The following OSBPL10 variants were observed in gnomAD, a reference collection of about 807,000 sequenced individuals.
The protein encoded by OSBPL10 is oxysterol binding protein like 10, also known as oxysterol-binding protein-related protein 10.
OSBPL10 carries 49 observed loss-of-function variants against 81.7 expected under a neutral mutation model. The observed-to-expected ratio is 0.60, with a 90% confidence interval of 0.48 to 0.76. The LOEUF (loss-of-function observed/expected upper bound fraction) is 0.76, where lower values mean the gene tolerates loss of function less well. OSBPL10 is among the 30% of genes least tolerant of loss of function. The pLI, the probability that OSBPL10 is intolerant of heterozygous loss-of-function variation, is 0.00. For missense variants in OSBPL10, 923 were observed against 987.8 expected (o/e 0.93, Z 0.88); for synonymous variants, 419 against 383.6 (o/e 1.09, Z -1.08).
intron 7 of OSBPL10, among the ~76,000 whole-genome samples, chr3:31,691,469 C>T (rs1440821425): frequency 2.6e-5 from 4 of 152,130 alleles, no homozygotes; most frequent in African/African-American, 4.8e-5. Flanking sequence ...CCCATGATCC[C>T]AGCATTTTGA....
intron 1 of OSBPL10, among the ~76,000 whole-genome samples, chr3:31,929,202 G>C (rs1697165916): frequency 6.6e-6 from 1 of 152,186 alleles, no homozygotes; most frequent in Non-Finnish European, 1.5e-5. Flanking sequence ...AGAGATGGAT[G>C]CTTTTCCAAC....
intron 6 of OSBPL10, among the ~76,000 whole-genome samples, chr3:31,732,309 T>A (rs1319168335): frequency 6.6e-6 from 1 of 151,880 alleles, no homozygotes; most frequent in Non-Finnish European, 1.5e-5. Context: ...TGCTACTACA[T>A]CACTGTCCGA....
intron 3 of OSBPL10, among the ~76,000 whole-genome samples, chr3:31,850,384 AAAC>A (rs1260291303): frequency 6.6e-6 from 1 of 152,088 alleles, no homozygotes; most frequent in African/African-American, 2.4e-5. Context: ...TGAAAAATAC[AAAC>A]AAAAAACAAA....
At chr3:31,766,095 C>T (rs1050846511) in intron 4 of OSBPL10, among the ~76,000 whole-genome samples, 8 of 152,088 alleles carry the variant, frequency 5.3e-5, no homozygotes, top group African/African-American at 1.2e-4. Context: ...CCAGCAGAGC[C>T]GCTGGAGCCA....
At chr3:31,815,239 C>T (rs915965855) in intron 4 of OSBPL10, among the ~76,000 whole-genome samples, 3 of 151,030 alleles carry the variant, frequency 2.0e-5, no homozygotes, top group African/African-American at 7.3e-5. Flanking sequence ...TCCCGCCCCC[C>T]AATAATTCCA....
chr3:31,919,168 C>T lies in OSBPL10; in HGVS notation c.282-39338G>A, dbSNP rs115986578. ...CTGTGTCCTCCTGCCCTCAGGTAGA[C>T]TCAACCACTCCTTTCTTTGCCTCTT... On this transcript the variant is annotated intron_variant, in intron 1 of 11. Coordinates refer to ENST00000396556, the MANE Select transcript of OSBPL10 (RefSeq NM_017784.5). Among the ~76,000 whole-genome samples, 785 of 152,316 alleles carry T rather than the reference C, an allele frequency of 5.2e-3. 8 individuals are homozygous for T. Among genetic ancestry groups the T allele is most frequent in the African/African-American group, 0.018 (753 of 41,576 alleles).
intron 1 of OSBPL10, among the ~76,000 whole-genome samples, chr3:31,974,396 T>G (rs1698641065): frequency 6.6e-6 from 1 of 152,148 alleles, no homozygotes; most frequent in Non-Finnish European, 1.5e-5. Flanking sequence ...TAGGTGTATA[T>G]CCACAGAAAT....
chr3:31,930,027 C>G (rs1362491663), intron 1 of OSBPL10, among the ~76,000 whole-genome samples: 1 of 74,126 alleles, frequency 1.3e-5, no homozygotes, highest in Admixed American at 1.2e-4. Flanking sequence ...AAAAAAAAAA[C>G]AGGTGTGGTG....
At chr3:31,997,472 C>T (rs1699101204) in intron 2 of OSBPL10, among the ~76,000 whole-genome samples, 1 of 151,798 alleles carries the variant, frequency 6.6e-6, no homozygotes. Flanking sequence ...ACCATGTTGG[C>T]CAGGATGGTC....
At chr3:31,800,250 G>T (rs1699346097) in intron 4 of OSBPL10, among the ~76,000 whole-genome samples, 1 of 152,168 alleles carries the variant, frequency 6.6e-6, no homozygotes. Context: ...TCCATATTGA[G>T]ATCTCAATAT....
chr3:32,027,952 C>G (rs1699432014), intron 2 of OSBPL10, among the ~76,000 whole-genome samples: 1 of 152,232 alleles, frequency 6.6e-6, no homozygotes, highest in African/African-American at 2.4e-5. Flanking sequence ...GAACAACTGT[C>G]TCCAATACAT....
At chr3:31,663,463 C>A in intron 11 of OSBPL10, 2 of 989,230 alleles carry the variant, frequency 2.0e-6, no homozygotes, top group Non-Finnish European at 2.4e-6. Context: ...CCCTCCACAA[C>A]TTCAAGAGCA....
chr3:31,793,161 C>A (rs1453346572), intron 4 of OSBPL10, among the ~76,000 whole-genome samples: 1 of 152,170 alleles, frequency 6.6e-6, no homozygotes, highest in African/African-American at 2.4e-5. Context: ...TTTTCTAATT[C>A]TTTCTGTCTC....
intron 1 of OSBPL10, among the ~76,000 whole-genome samples, chr3:32,076,075 G>C (rs1699872900): frequency 6.6e-6 from 1 of 152,074 alleles, no homozygotes; most frequent in South Asian, 2.1e-4. Context: ...AAACCTGTAA[G>C]AACTAATGAT....
intron 4 of OSBPL10, among the ~76,000 whole-genome samples, chr3:31,766,340 T>TG (rs1305821684): frequency 2.0e-4 from 22 of 112,624 alleles, no homozygotes; most frequent in African/African-American, 9.6e-4. Flanking sequence ...TTTTTTTGTT[T>TG]TTTTTTGTTT....
At chr3:32,035,907 A>C (rs1410875865) in intron 2 of OSBPL10, among the ~76,000 whole-genome samples, 1 of 152,170 alleles carries the variant, frequency 6.6e-6, no homozygotes, top group Non-Finnish European at 1.5e-5. Context: ...AACTGTTTTC[A>C]TCTTCCCAAA....
chr3:31,707,062 T>A (rs1411953938), intron 6 of OSBPL10: 1 of 152,230 alleles, frequency 6.6e-6, no homozygotes, highest in Non-Finnish European at 1.5e-5. Context: ...CCTTTATTTG[T>A]ACATGGCCTT....
At chr3:31,998,240 T>G (rs1699110452) in intron 2 of OSBPL10, among the ~76,000 whole-genome samples, 2 of 152,210 alleles carry the variant, frequency 1.3e-5, no homozygotes. Context: ...GTTTTCCTTG[T>G]GGCATTTTTT....
intron 1 of OSBPL10, among the ~76,000 whole-genome samples, chr3:31,978,348 T>TGGTA (rs1189482047): frequency 6.6e-6 from 1 of 152,174 alleles, no homozygotes; most frequent in African/African-American, 2.4e-5. Flanking sequence ...CAGGGAAGGG[T>TGGTA]GGTAGCTCCA....
Sources: gnomAD v4.1 joint callset for allele counts (sites outside exome capture counted in the v4.1 genomes callset) on GRCh38, gnomAD v4.1.1 for gene constraint, MANE v1.5 for transcripts, NCBI Gene and HGNC (gene_info 2026-07-23, HGNC 2026-07-21) for gene names.